The following EPB41L2 variants were observed in gnomAD, a reference collection of about 807,000 sequenced individuals.
The protein encoded by EPB41L2 is band 4.1-like protein 2.
EPB41L2 carries 43 observed loss-of-function variants against 113.0 expected under a neutral mutation model. That is an observed-to-expected ratio of 0.38 (90% CI 0.30 to 0.49). The LOEUF (loss-of-function observed/expected upper bound fraction) is 0.49. EPB41L2 is among the 20% of genes least tolerant of loss of function. The pLI is 0.95. For missense variants in EPB41L2, 1,147 were observed against 1,223.4 expected (o/e 0.94, Z 0.93); for synonymous variants, 442 against 436.7 (o/e 1.01, Z -0.15).
Position 130,908,823 on chromosome 6 carries a change from C to G in EPB41L2, c.851G>C (p.Arg284Thr). The change falls in exon 5 of 20, where the codon AGA (arginine) becomes ACA (threonine). Residue 284 changes from arginine (R) to threonine (T), a missense_variant and splice_region_variant. Physicochemically the swap from Arg to Thr is moderately conservative, Grantham distance 71. Coordinates refer to ENST00000337057, the MANE Select transcript of EPB41L2 (RefSeq NM_001431.4). ...AGAATGATTATTTATATACTTACTT[C>G]TCAGTTGTCTCTTTATTTCTTTAGC... ...DPAKEIKRQL[R>T]NLPWLFTFNV... The G allele has an allele frequency of 6.3e-7, 1 of 1,598,888 alleles. No homozygotes were observed. The highest frequency in any genetic ancestry group is 1.1e-5 in the South Asian group (1 of 89,594).
intron 8 of EPB41L2, among the ~76,000 whole-genome samples, chr6:130,896,021 C>T (rs983792789): frequency 6.6e-6 from 1 of 152,292 alleles, no homozygotes; most frequent in Admixed American, 6.5e-5. Flanking sequence ...CGCTCAAAGA[C>T]ATTCACATTT....
intron 1 of EPB41L2, among the ~76,000 whole-genome samples, chr6:131,044,831 T>C (rs1360531925): frequency 6.6e-6 from 1 of 152,176 alleles, no homozygotes; most frequent in Non-Finnish European, 1.5e-5. Flanking sequence ...AGTCCACTGG[T>C]GAGTTGTGAA....
At chr6:130,849,228 T>C (rs1778037761) in intron 19 of EPB41L2, among the ~76,000 whole-genome samples, 1 of 152,240 alleles carries the variant, frequency 6.6e-6, no homozygotes, top group African/African-American at 2.4e-5. Flanking sequence ...GCAGGCTCAA[T>C]GTCATCAGAG....
chr6:131,043,995 A>G (rs1051358472), intron 1 of EPB41L2, among the ~76,000 whole-genome samples: 1 of 148,922 alleles, frequency 6.7e-6, no homozygotes, highest in Non-Finnish European at 1.5e-5. Flanking sequence ...AGTTTTGTAT[A>G]TATTTAAAAC....
At chr6:130,943,745 T>C (rs942174216) in intron 3 of EPB41L2, among the ~76,000 whole-genome samples, 1 of 152,162 alleles carries the variant, frequency 6.6e-6, no homozygotes, top group African/African-American at 2.4e-5. Context: ...AGAAATAAAA[T>C]GGCCTATCAT....
intron 1 of EPB41L2, among the ~76,000 whole-genome samples, chr6:131,041,804 A>G (rs1448254444): frequency 1.3e-5 from 2 of 152,254 alleles, no homozygotes; most frequent in Non-Finnish European, 2.9e-5. Flanking sequence ...TTCAAGAGAC[A>G]TATAAACCAA....
intron 1 of EPB41L2, among the ~76,000 whole-genome samples, chr6:130,982,152 A>G (rs1779517574): frequency 6.6e-6 from 1 of 152,152 alleles, no homozygotes; most frequent in African/African-American, 2.4e-5. Flanking sequence ...TAACTCCGAA[A>G]CAAGAAACAC....
At chr6:130,869,125 A>G (rs1196316485) in intron 15 of EPB41L2, among the ~76,000 whole-genome samples, 1 of 152,136 alleles carries the variant, frequency 6.6e-6, no homozygotes. Context: ...GTCAAACCCA[A>G]TCATGACATC....
intron 2 of EPB41L2, 34 bp from the exon 3 acceptor site, chr6:130,955,351 G>T (rs1817076482): frequency 6.3e-7 from 1 of 1,595,926 alleles, no homozygotes; most frequent in Non-Finnish European, 8.6e-7. Flanking sequence ...TCATACTATA[G>T]TCAACCACCT....
At chr6:130,948,045 A>C (rs1469778785) in intron 3 of EPB41L2, among the ~76,000 whole-genome samples, 2 of 152,186 alleles carry the variant, frequency 1.3e-5, no homozygotes, top group East Asian at 3.8e-4. Context: ...AAGAAAAAGA[A>C]AGGATTACTC....
intron 1 of EPB41L2, among the ~76,000 whole-genome samples, chr6:131,003,963 G>C (rs1784907198): frequency 6.6e-6 from 1 of 152,130 alleles, no homozygotes; most frequent in Non-Finnish European, 1.5e-5. Flanking sequence ...TATTTGACTG[G>C]CTCTGCTTAG....
rs977302461 is a variant in EPB41L2 at position 130,885,117 on chromosome 6, A to T, written c.1812T>A (p.His604Gln). 16 of 1,613,986 alleles carry T rather than the reference A, an allele frequency of 9.9e-6. No homozygotes were observed. The highest frequency in any genetic ancestry group is 1.4e-5 in the Non-Finnish European group (16 of 1,180,004). Reference protein sequence around the residue: ...REVRSPTKAPHLQLIEGKKNS... With the variant: ...REVRSPTKAPQLQLIEGKKNS... ...ATACCTTTCCTTCAATGAGCTGCAA[A>T]TGTGGGGCTTTAGTTGGGCTTCTCA... Residue 604 changes from histidine (H) to glutamine (Q), a missense_variant, in exon 12 of 20, where the codon CAT (histidine) becomes CAA (glutamine). His to Gln is a conservative substitution (Grantham distance 24, BLOSUM62 0). Coordinates refer to ENST00000337057, the MANE Select transcript of EPB41L2 (RefSeq NM_001431.4).
rs529747864 is a variant in EPB41L2 at position 130,890,475 on chromosome 6, G to GA, written c.1488-10_1488-9insT. On this transcript the variant is annotated splice_polypyrimidine_tract_variant and intron_variant, in intron 10 of 19. Coordinates refer to ENST00000337057, the MANE Select transcript of EPB41L2 (RefSeq NM_001431.4). Reference sequence around the variant, plus strand: ...GCTCTGGAGAAACAAGCCTATGGGAGGAAAAAAAAAAAAAAAGAGAGAGAG... The same window carrying GA: ...GCTCTGGAGAAACAAGCCTATGGGAGAGAAAAAAAAAAAAAAAGAGAGAGAG... The GA allele has an allele frequency of 3.9e-4, 456 of 1,179,136 alleles. 1 individual carries two copies. The highest frequency in any genetic ancestry group is 3.2e-3 in the African/African-American group (116 of 36,762). 73.0% of individuals were successfully genotyped at this position (1,179,136 alleles called of 1,614,324 possible). A position where few individuals can be genotyped will look rare whatever the true frequency, so the allele number is the denominator to read the frequency against.
intron 1 of EPB41L2, among the ~76,000 whole-genome samples, chr6:130,979,695 A>G (rs1406281704): frequency 1.3e-5 from 2 of 152,142 alleles, no homozygotes; most frequent in Non-Finnish European, 2.9e-5. Context: ...CAAAGGTTAG[A>G]TAGTGGTACC....
chr6:130,939,488 C>T (rs532366155), intron 3 of EPB41L2, among the ~76,000 whole-genome samples: 3 of 152,128 alleles, frequency 2.0e-5, no homozygotes, highest in South Asian at 2.1e-4. Context: ...CTCCTGACCT[C>T]GTGATCCGCC....
chr6:131,049,458 T>C (rs895037603), intron 1 of EPB41L2, among the ~76,000 whole-genome samples: 2 of 152,182 alleles, frequency 1.3e-5, no homozygotes, highest in African/African-American at 2.4e-5. Flanking sequence ...TTAAGAGAAG[T>C]GGATTAAAGA....
chr6:131,011,899 A>G (rs1584505492), intron 1 of EPB41L2, among the ~76,000 whole-genome samples: 1 of 152,044 alleles, frequency 6.6e-6, no homozygotes, highest in Non-Finnish European at 1.5e-5. Flanking sequence ...CTCTTCCTCC[A>G]CCTCTAGAAG....
intron 4 of EPB41L2, among the ~76,000 whole-genome samples, chr6:130,924,540 G>A (rs1803991019): frequency 2.0e-5 from 3 of 152,050 alleles, no homozygotes. Flanking sequence ...CACCATGCCC[G>A]ACTAATTTTT....
intron 3 of EPB41L2, among the ~76,000 whole-genome samples, chr6:130,939,920 A>C (rs527241347): frequency 3.3e-4 from 50 of 152,354 alleles, no homozygotes; most frequent in Admixed American, 9.8e-4. Context: ...GGTAGAATGA[A>C]CATGCACACT....
Sources: allele counts gnomAD v4.1 joint callset (sites outside exome capture counted in the v4.1 genomes callset), GRCh38; gene constraint gnomAD v4.1.1; transcripts MANE v1.5; gene names NCBI Gene and HGNC (gene_info 2026-07-23, HGNC 2026-07-21).